Variants in HDAC2 observed in about 807,000 individuals in gnomAD.
HDAC2 encodes YY1-associated factor 1.
In HDAC2, 5 loss-of-function variants were observed where a neutral mutation model predicts 68.5. The observed-to-expected ratio is 0.07, with a 90% confidence interval of 0.04 to 0.15. The LOEUF is 0.15. Ranked by LOEUF, HDAC2 falls within the 10% of genes least tolerant of loss-of-function variation. The pLI is 1.00. For synonymous variants in HDAC2, 182 were observed against 191.3 expected (o/e 0.95, Z 0.40); for missense variants, 291 against 600.8 (o/e 0.48, Z 5.39).
intron 6 of HDAC2, among the ~76,000 whole-genome samples, chr6:113,952,968 C>T (rs1165086344): frequency 1.3e-5 from 2 of 152,166 alleles, no homozygotes; most frequent in Non-Finnish European, 2.9e-5. Context: ...GCAACGTAGG[C>T]TACCATCAGG....
chr6:113,943,981 G>T (rs1378367127), intron 11 of HDAC2, among the ~76,000 whole-genome samples: 4 of 152,148 alleles, frequency 2.6e-5, no homozygotes, highest in Non-Finnish European at 5.9e-5. Context: ...CAGATGTTTA[G>T]TTATTTAGTT....
chr6:113,938,381 T>C lies in HDAC2; in HGVS notation c.*2677A>G, dbSNP rs1331563963. On this transcript the variant is annotated 3_prime_UTR_variant, in exon 14 of 14. Transcript: ENST00000519065. ...CTCCCACTCTGTCTTTTGTCATTTT[T>C]CTTGACTTGTCTTCTAAGTTTTTGT... 6.6e-6 allele frequency: 1 copy of C among 152,228 alleles called. No homozygotes were observed. Among genetic ancestry groups the C allele is most frequent in the Non-Finnish European group, 1.5e-5 (1 of 68,046 alleles). 9.4% of individuals were successfully genotyped at this position (152,228 alleles called of 1,614,324 possible).
intron 1 of HDAC2, among the ~76,000 whole-genome samples, chr6:113,966,840 G>A (rs745488067): frequency 3.1e-4 from 47 of 152,168 alleles, no homozygotes; most frequent in Non-Finnish European, 6.6e-4. Context: ...GGAAAGAGAA[G>A]TATAGGAAAA....
chr6:113,957,520 C>T (rs532533288), intron 3 of HDAC2, among the ~76,000 whole-genome samples: 20 of 150,470 alleles, frequency 1.3e-4, no homozygotes, highest in Non-Finnish European at 2.5e-4. Flanking sequence ...CTCACTCTGT[C>T]GCCCAGGCTG....
chr6:113,960,089 TG>T (rs1286159407), intron 1 of HDAC2, 71 bp from the exon 2 acceptor site: 1 of 788,494 alleles, frequency 1.3e-6, no homozygotes, highest in African/African-American at 1.7e-5. Context: ...AATTTATGTA[TG>T]TCTATCATTA....
At chr6:113,945,747 G>T (rs1434040287) in intron 9 of HDAC2, among the ~76,000 whole-genome samples, 3 of 152,106 alleles carry the variant, frequency 2.0e-5, no homozygotes, top group African/African-American at 7.2e-5. Flanking sequence ...TACATTACAT[G>T]AAATATTCAA....
chr6:113,941,313 T>C (rs1440049313), intron 13 of HDAC2, among the ~76,000 whole-genome samples: 4 of 152,066 alleles, frequency 2.6e-5, no homozygotes, highest in Non-Finnish European at 5.9e-5. Context: ...TGCCCAAACA[T>C]TTACATGCTT....
chr6:113,964,261 G>GAA (rs11435750), intron 1 of HDAC2, among the ~76,000 whole-genome samples: 7 of 144,508 alleles, frequency 4.8e-5, no homozygotes, highest in South Asian at 4.3e-4. Flanking sequence ...AGAGACTCAG[G>GAA]AAAAAAAAAA....
Position 113,933,780 on chromosome 6 carries a change from C to T in HDAC2, c.*7278G>A, listed in dbSNP as rs2882016. On this transcript the variant is annotated 3_prime_UTR_variant, in exon 14 of 14. Coordinates refer to ENST00000519065, the MANE Select transcript of HDAC2 (RefSeq NM_001527.4). Reference sequence around the variant, plus strand: ...GTGTGTATGTATATTATATAATATACATACACACACATATATACACATGTA... The same window carrying T: ...GTGTGTATGTATATTATATAATATATATACACACACATATATACACATGTA... 1 of 151,394 alleles carries T rather than the reference C, an allele frequency of 6.6e-6. No individual in the cohort carries two copies. The allele number at this position is 151,394 out of a possible 1,614,324, so 9.4% of individuals were successfully genotyped here.
chr6:113,959,403 C>T (rs546515855), intron 2 of HDAC2, among the ~76,000 whole-genome samples: 1 of 152,046 alleles, frequency 6.6e-6, no homozygotes, highest in East Asian at 1.9e-4. Context: ...TACATACCCT[C>T]ATCTTTATCT....
intron 8 of HDAC2, chr6:113,948,737 T>G: frequency 2.4e-6 from 1 of 419,884 alleles, no homozygotes; most frequent in Non-Finnish European, 4.2e-6. Context: ...CAAAAATAGC[T>G]GCCTTGGGTT....
In HDAC2 at chr6:113,938,875, T is replaced by C. The variant is rs1322038860; in HGVS notation, c.*2183A>G. ...CCTTGCTGAAATTGCTTTAGATAGTTCTCTTGAGGTTTTAGTTGTATATAA... is the reference window on the plus strand; with the variant it reads ...CCTTGCTGAAATTGCTTTAGATAGTCCTCTTGAGGTTTTAGTTGTATATAA... On this transcript the variant is annotated 3_prime_UTR_variant, in exon 14 of 14. Transcript: ENST00000519065. 6.6e-6 allele frequency: 1 copy of C among 152,170 alleles called. No individual in the cohort carries two copies. Among genetic ancestry groups the C allele is most frequent in the Non-Finnish European group, 1.5e-5 (1 of 68,038 alleles). 9.4% of individuals were successfully genotyped at this position (152,170 alleles called of 1,614,324 possible). A position where few individuals can be genotyped will look rare whatever the true frequency, so the allele number is the denominator to read the frequency against.
chr6:113,968,231 T>A (rs1776872819), intron 1 of HDAC2: 1 of 152,276 alleles, frequency 6.6e-6, no homozygotes, highest in South Asian at 2.1e-4. Flanking sequence ...TTCTACTTCC[T>A]TTACCAAGAA....
intron 8 of HDAC2, 40 bp from the exon 9 acceptor site, chr6:113,946,188 C>A: frequency 6.5e-7 from 1 of 1,535,214 alleles, no homozygotes; most frequent in Middle Eastern, 1.7e-4. Context: ...AATCTGCATA[C>A]TGCAACAGTT....
At chr6:113,970,631 G>A (rs1021526263) in intron 1 of HDAC2, 10 of 1,345,444 alleles carry the variant, frequency 7.4e-6, no homozygotes, top group Non-Finnish European at 9.5e-6. Context: ...AGAGGCAGGA[G>A]ACAAGACGGG....
At chr6:113,950,728 C>T (rs1019772932) in intron 6 of HDAC2, among the ~76,000 whole-genome samples, 11 of 150,944 alleles carry the variant, frequency 7.3e-5, no homozygotes, top group South Asian at 2.1e-4. Flanking sequence ...TTCTTATGTG[C>T]GTTGAATGAT....
intron 6 of HDAC2, 108 bp downstream of exon 6, chr6:113,953,169 T>C (rs932062179): frequency 2.4e-5 from 19 of 780,076 alleles, no homozygotes; most frequent in Middle Eastern, 2.7e-4. Context: ...CAATTCTGCA[T>C]ACAAGTTTCA....
rs573713629 is a variant in HDAC2 at position 113,938,121 on chromosome 6, T to C, written c.*2937A>G. 6.6e-6 allele frequency: 1 copy of C among 152,360 alleles called. No homozygotes were observed. The highest frequency in any genetic ancestry group is 2.4e-5 in the African/African-American group (1 of 41,586). The allele number at this position is 152,360 out of a possible 1,614,324, so 9.4% of individuals were successfully genotyped here. A position where few individuals can be genotyped will look rare whatever the true frequency, so the allele number is the denominator to read the frequency against. On this transcript the variant is annotated 3_prime_UTR_variant, in exon 14 of 14. Coordinates refer to ENST00000519065, the MANE Select transcript of HDAC2 (RefSeq NM_001527.4). ...GAGATTGCGCCATTGCACACCAGCCTGGGCAACAGCGAGACTCCGTCTCAA... is the reference window on the plus strand; with the variant it reads ...GAGATTGCGCCATTGCACACCAGCCCGGGCAACAGCGAGACTCCGTCTCAA...
chr6:113,943,570 T>C (rs1021263127), intron 11 of HDAC2, 64 bp from the exon 12 acceptor site: 4 of 1,305,672 alleles, frequency 3.1e-6, no homozygotes, highest in Non-Finnish European at 3.1e-6. Flanking sequence ...CATTACAGCA[T>C]ACTCATACAA....
Sources: gnomAD v4.1 joint callset for allele counts (sites outside exome capture counted in the v4.1 genomes callset) on GRCh38, gnomAD v4.1.1 for gene constraint, MANE v1.5 for transcripts, NCBI Gene and HGNC (gene_info 2026-07-23, HGNC 2026-07-21) for gene names.